PCDHA8: variants seen among roughly 807,000 people sequenced by gnomAD.
PCDHA8 encodes the protein protocadherin alpha-8.
In PCDHA8, 53 loss-of-function variants were observed where a neutral mutation model predicts 61.8. The observed-to-expected ratio is 0.86, with a 90% CI of 0.69 to 1.08. The LOEUF (loss-of-function observed/expected upper bound fraction) is 1.08, where lower values mean the gene tolerates loss of function less well. Ranked by LOEUF, PCDHA8 falls within the 50% of genes least tolerant of loss-of-function variation. The pLI, the probability that PCDHA8 is intolerant of heterozygous loss-of-function variation, is 0.00. For synonymous variants in PCDHA8, 618 were observed against 556.6 expected (o/e 1.11, Z -1.55); for missense variants, 1,293 against 1,245.0 (o/e 1.04, Z -0.58).
chr5:140,857,649 T>G, intron 1 of PCDHA8: 1 of 1,596,586 alleles, frequency 6.3e-7, no homozygotes, highest in Non-Finnish European at 8.6e-7. Context: ...CAGTTCCAGG[T>G]GAGCGCGCGC....
chr5:140,849,536 T>C lies in PCDHA8; in HGVS notation c.2394+5821T>C, dbSNP rs2150439955. On this transcript the variant is annotated intron_variant, in intron 1 of 3. Transcript: ENST00000531613. ...AAGTTGTGGATGTAAATGACAATGC[T>C]CCACAGTTGACTATCAAAACGCTCT... The C allele has an allele frequency of 1.9e-6, 3 of 1,597,980 alleles. 1 individual carries two copies. Among genetic ancestry groups the C allele is most frequent in the Non-Finnish European group, 2.6e-6 (3 of 1,167,716 alleles).
chr5:140,968,118 C>T (rs141928119), intron 1 of PCDHA8: 717 of 1,614,170 alleles, frequency 4.4e-4, no homozygotes, highest in Middle Eastern at 2.3e-3. Context: ...CAGCTCACAT[C>T]CCTGCGTACA....
rs139860906 is a variant in PCDHA8, at chr5:140,989,355, C to T, written c.2542+6792C>T. On this transcript the variant is annotated intron_variant, in intron 3 of 3. Transcript: ENST00000531613. Reference sequence around the variant, plus strand: ...CTGACTCAGCTCAAAGGTGATAGGTCACCTGTGTGACTGAGAGCTTTGTGG... The same window carrying T: ...CTGACTCAGCTCAAAGGTGATAGGTTACCTGTGTGACTGAGAGCTTTGTGG... Among the ~76,000 whole-genome samples the T allele has an allele frequency of 1.6e-4, 25 of 152,258 alleles. No individual in the cohort carries two copies. In the East Asian group the frequency reaches 4.4e-3, roughly 27 times the overall value.
rs34755515 is a variant in PCDHA8 at position 141,000,421 on chromosome 5, A to ATTT, written c.2543-9185_2543-9183dup. 5.4e-3 allele frequency among the ~76,000 whole-genome samples: 150 copies of ATTT among 27,982 alleles called. 11 individuals are homozygous for ATTT. Among genetic ancestry groups the ATTT allele is most frequent in the Non-Finnish European group, 6.0e-3 (106 of 17,660 alleles). The allele number at this position is 27,982 out of a possible 152,430, so 18.4% of individuals were successfully genotyped here. On this transcript the variant is annotated intron_variant, in intron 3 of 3. Coordinates refer to ENST00000531613, the MANE Select transcript of PCDHA8 (RefSeq NM_018911.3). ...TATATATATATATATATATATATAT[A>ATTT]TTTTTTTTTTTTTTTTTTTTTTTGA...
rs2041332150 is a variant in PCDHA8, at chr5:140,850,080, G to T, written c.2394+6365G>T. 56 of 1,596,464 alleles carry T rather than the reference G, an allele frequency of 3.5e-5. 4 individuals are homozygous for T. Among genetic ancestry groups the T allele is most frequent in the Non-Finnish European group, 4.6e-5 (54 of 1,167,848 alleles). ...GCAGCCGTTGGACCACGAGGAGCTG[G>T]AGCTGCTACAGTTCCAGGTGAGCGC... On this transcript the variant is annotated intron_variant, in intron 1 of 3. Coordinates refer to ENST00000531613, the MANE Select transcript of PCDHA8 (RefSeq NM_018911.3).
intron 1 of PCDHA8, among the ~76,000 whole-genome samples, chr5:140,894,254 A>G (rs566555133): frequency 6.6e-6 from 1 of 152,128 alleles, no homozygotes; most frequent in Admixed American, 6.5e-5. Flanking sequence ...TCTTTTCTTT[A>G]CAAGTGGTAG....
chr5:140,887,101 CT>C (rs200717289), intron 1 of PCDHA8, among the ~76,000 whole-genome samples: 3,245 of 145,086 alleles, frequency 0.022, 87 homozygotes, highest in African/African-American at 0.074. Flanking sequence ...ATCTTTATCT[CT>C]TTTTTTTTTT....
chr5:140,864,764 T>C (rs1202500851), intron 1 of PCDHA8: 2 of 152,238 alleles, frequency 1.3e-5, no homozygotes, highest in East Asian at 3.8e-4. Context: ...TTTTCTTTCA[T>C]TTTTGGTACC....
intron 1 of PCDHA8, among the ~76,000 whole-genome samples, chr5:140,960,799 A>C (rs2095571237): frequency 6.6e-6 from 1 of 152,170 alleles, no homozygotes; most frequent in Non-Finnish European, 1.5e-5. Flanking sequence ...TTTCTATTAA[A>C]ATAAGAGGTC....
chr5:140,945,430 T>C (rs1389561787), intron 1 of PCDHA8, among the ~76,000 whole-genome samples: 2 of 152,082 alleles, frequency 1.3e-5, no homozygotes, highest in African/African-American at 4.8e-5. Flanking sequence ...ATGAAGTTTT[T>C]ACAGAAATAT....
At chr5:140,876,861 C>T (rs2056651575) in intron 1 of PCDHA8, 6 of 1,613,970 alleles carry the variant, frequency 3.7e-6, no homozygotes, top group African/African-American at 1.3e-5. Context: ...ACACAGTGTT[C>T]GTGAAGGAGA....
In PCDHA8 at chr5:140,876,724, G is replaced by A. The variant is rs140611870; in HGVS notation, c.2394+33009G>A. On this transcript the variant is annotated intron_variant, in intron 1 of 3. Transcript: ENST00000531613. The stretch of plus-strand genomic sequence containing the variant: ...GGACAGCGCCCTGGACCGCGAGAGC[G>A]TGTCGGCCTATGAGCTGGTGGTGAC... The A allele has an allele frequency of 2.3e-4, 378 of 1,614,246 alleles. 3 individuals are homozygous for A. In the East Asian group the frequency reaches 2.9e-3, roughly 13 times the overall value.
chr5:140,928,043 C>A (rs1554205400), intron 1 of PCDHA8: 1 of 1,614,192 alleles, frequency 6.2e-7, no homozygotes, highest in Non-Finnish European at 8.5e-7. Context: ...AGTGCAGGCC[C>A]TTTTCAGCTG....
intron 1 of PCDHA8, chr5:140,929,147 A>G (rs1247156816): frequency 6.2e-7 from 1 of 1,614,062 alleles, no homozygotes; most frequent in Non-Finnish European, 8.5e-7. Flanking sequence ...AGACTTTCTC[A>G]GACTTATCTC....
intron 1 of PCDHA8, chr5:140,849,234 T>C: frequency 2.9e-6 from 3 of 1,050,956 alleles, no homozygotes; most frequent in Non-Finnish European, 4.0e-6. Flanking sequence ...CAGAACCCTG[T>C]ATACGGTGAA....
At chr5:140,980,149 A>G (rs1287895980) in intron 2 of PCDHA8, among the ~76,000 whole-genome samples, 1 of 152,184 alleles carries the variant, frequency 6.6e-6, no homozygotes, top group East Asian at 1.9e-4. Flanking sequence ...ATTCATGCAT[A>G]TACCAGAATA....
chr5:140,843,679 C>A lies in PCDHA8; in HGVS notation c.2358C>A (p.Gly786=), dbSNP rs2150364894. The A allele has an allele frequency of 1.3e-6, 2 of 1,589,886 alleles. No homozygotes were observed. The highest frequency in any genetic ancestry group is 1.3e-5 in the African/African-American group (1 of 74,402). ...CTGATCTGGGATCAGTTGATGTAGG[C>A]GAAGAGCAAGATTTAAATGTTGATC... is the stretch of plus-strand genomic sequence containing the variant. ...LPPDLGSVDV[G]EEQDLNVDHG... is the part of the protein sequence containing the mutation. The change falls in exon 1 of 4, where the codon GGC becomes GGA. Residue 786 remains glycine, a synonymous_variant. Transcript: ENST00000531613.
intron 1 of PCDHA8, chr5:140,869,548 G>C (rs2051232334): frequency 1.2e-6 from 2 of 1,614,084 alleles, no homozygotes; most frequent in African/African-American, 2.7e-5. Context: ...TAAGCAATCG[G>C]ACTCGCGTTT....
intron 1 of PCDHA8, chr5:140,877,868 T>G: frequency 6.7e-7 from 1 of 1,488,916 alleles, no homozygotes; most frequent in Non-Finnish European, 8.9e-7. Context: ...TTAGATATAT[T>G]TGTTTCCTTG....
Sources: allele counts gnomAD v4.1 joint callset (sites outside exome capture counted in the v4.1 genomes callset), GRCh38; gene constraint gnomAD v4.1.1; transcripts MANE v1.5; gene names NCBI Gene and HGNC (gene_info 2026-07-23, HGNC 2026-07-21).